The following TENM3 variants were observed in gnomAD, a reference collection of about 807,000 sequenced individuals.
TENM3 encodes teneurin-3.
Under a neutral mutation model 255.1 loss-of-function variants are expected in TENM3, and 63 were observed. That is an observed-to-expected ratio of 0.25 (90% CI 0.20 to 0.30). The LOEUF (loss-of-function observed/expected upper bound fraction) is 0.30, where lower values mean the gene tolerates loss of function less well. TENM3 is among the 10% of genes least tolerant of loss of function. The pLI, the probability that TENM3 is intolerant of heterozygous loss-of-function variation, is 1.00. For synonymous variants in TENM3, 1,306 were observed against 1,322.3 expected (o/e 0.99, Z 0.27); for missense variants, 2,929 against 3,461.1 (o/e 0.85, Z 3.86).
At chr4:182,307,567 T>C (rs981324386) in intron 1 of TENM3, among the ~76,000 whole-genome samples, 5 of 152,178 alleles carry the variant, frequency 3.3e-5, no homozygotes, top group Admixed American at 1.3e-4. Flanking sequence ...CCTCCTGACA[T>C]AGGGATTATA....
chr4:181,641,603 GTGTA>G, the TENM3 span, among the ~76,000 whole-genome samples: 1 of 69,016 alleles, frequency 1.4e-5, no homozygotes, highest in South Asian at 4.3e-4. Flanking sequence ...TGGTGTGTGT[GTGTA>G]TATATATATA....
chr4:181,630,942 G>A, the TENM3 span, among the ~76,000 whole-genome samples: 2 of 152,088 alleles, frequency 1.3e-5, no homozygotes, highest in Admixed American at 6.6e-5. Flanking sequence ...ATAACAGCTC[G>A]AAACATACCC....
chr4:182,162,092 C>G (rs1751390358), intron 1 of TENM3, among the ~76,000 whole-genome samples: 1 of 150,954 alleles, frequency 6.6e-6, no homozygotes, highest in Non-Finnish European at 1.5e-5. Context: ...CTATGTTGTG[C>G]AGGCTGTCCT....
At chr4:181,523,450 A>C in the TENM3 span, among the ~76,000 whole-genome samples, 4,441 of 152,060 alleles carry the variant, frequency 0.029, 114 homozygotes, top group East Asian at 0.073. Flanking sequence ...CAGGGGTAAG[A>C]TGAAGACCAA....
At chr4:182,326,161 GTGTGA>G (rs1291855428) in intron 2 of TENM3, among the ~76,000 whole-genome samples, 72 of 152,354 alleles carry the variant, frequency 4.7e-4, no homozygotes, top group African/African-American at 1.7e-3. Context: ...CTCGCGCAGT[GTGTGA>G]TGGTGCCGCA....
chr4:182,187,640 CT>C (rs750649104), intron 1 of TENM3, among the ~76,000 whole-genome samples: 5 of 151,674 alleles, frequency 3.3e-5, no homozygotes, highest in Non-Finnish European at 7.4e-5. Flanking sequence ...GGAAAGAATT[CT>C]TTGGTTGAAC....
chr4:181,584,162 A>G, the TENM3 span, among the ~76,000 whole-genome samples: 1 of 152,238 alleles, frequency 6.6e-6, no homozygotes, highest in East Asian at 1.9e-4. Flanking sequence ...CTTGCCTGAA[A>G]GCCAGAAGAG....
At chr4:182,519,390 C>T (rs968979441) in intron 3 of TENM3, among the ~76,000 whole-genome samples, 2 of 152,150 alleles carry the variant, frequency 1.3e-5, no homozygotes, top group Non-Finnish European at 2.9e-5. Context: ...GAAAATGAAA[C>T]TCACATCCCA....
chr4:181,459,300 C>T, the TENM3 span, among the ~76,000 whole-genome samples: 30 of 151,808 alleles, frequency 2.0e-4, no homozygotes, highest in Non-Finnish European at 3.5e-4. Flanking sequence ...TTTCCCAGAG[C>T]ATGACTTGCC....
At chr4:181,518,734 G>C in the TENM3 span, among the ~76,000 whole-genome samples, 1 of 152,072 alleles carries the variant, frequency 6.6e-6, no homozygotes, top group Non-Finnish European at 1.5e-5. Flanking sequence ...GCCAGGGCTT[G>C]GTTTTTATAA....
At chr4:181,959,183 A>G in the TENM3 span, among the ~76,000 whole-genome samples, 2 of 152,176 alleles carry the variant, frequency 1.3e-5, no homozygotes, top group Non-Finnish European at 2.9e-5. Context: ...CATTTCCTCT[A>G]GGAAGCCTTT....
chr4:181,548,105 C>T, the TENM3 span, among the ~76,000 whole-genome samples: 3 of 152,012 alleles, frequency 2.0e-5, no homozygotes, highest in African/African-American at 7.3e-5. Context: ...TGATAGTTTC[C>T]AGCTTCATCC....
At chr4:181,728,901 T>A in the TENM3 span, among the ~76,000 whole-genome samples, 9 of 152,168 alleles carry the variant, frequency 5.9e-5, no homozygotes, top group African/African-American at 9.7e-5. Context: ...ATTTTTTTTT[T>A]ACATTTAAGA....
At chr4:182,465,704 T>C (rs1436889501) in intron 3 of TENM3, among the ~76,000 whole-genome samples, 1 of 152,220 alleles carries the variant, frequency 6.6e-6, no homozygotes, top group East Asian at 1.9e-4. Flanking sequence ...GTACCTACTA[T>C]GTTTCTGACA....
chr4:182,755,848 A>G (rs1579361123), intron 22 of TENM3, among the ~76,000 whole-genome samples: 1 of 152,198 alleles, frequency 6.6e-6, no homozygotes, highest in Admixed American at 6.5e-5. Flanking sequence ...CCTCAAAAAA[A>G]AAAAGATACC....
chr4:182,597,068 T>G (rs1450032966), intron 3 of TENM3, among the ~76,000 whole-genome samples: 6 of 152,140 alleles, frequency 3.9e-5, no homozygotes. Flanking sequence ...TGAACCTTGG[T>G]CACAAAGATT....
Position 182,793,035 on chromosome 4 carries a change from C to G in TENM3, c.6363C>G (p.Pro2121=). The G allele has an allele frequency of 6.2e-7, 1 of 1,613,918 alleles. No individual in the cohort carries two copies. Among genetic ancestry groups the G allele is most frequent in the South Asian group, 1.1e-5 (1 of 91,084 alleles). Residue 2121 remains proline, a synonymous_variant, in exon 26 of 28, where the codon CCC becomes CCG. Transcript: ENST00000511685. The surrounding 1 kb of genome is among the most constrained non-coding windows in gnomAD (Gnocchi z 5.7). ...CCAAGAGAGAGATTAAAATAGGGCC[C>G]TTTGCCAACACCACCAAATATGCTT... is the stretch of plus-strand genomic sequence containing the variant. ...RVTKREIKIG[P]FANTTKYAYE...
the TENM3 span, among the ~76,000 whole-genome samples, chr4:181,971,514 C>T: frequency 2.3e-4 from 35 of 152,178 alleles, no homozygotes; most frequent in Admixed American, 3.9e-4. Flanking sequence ...CCCTCTTATT[C>T]GTCATAAAAC....
intron 3 of TENM3, among the ~76,000 whole-genome samples, chr4:182,490,238 G>A (rs1431949201): frequency 6.6e-6 from 1 of 152,116 alleles, no homozygotes; most frequent in Non-Finnish European, 1.5e-5. Flanking sequence ...AATAACCATA[G>A]GTATTCAAAT....
Sources: gnomAD v4.1 joint callset for allele counts (sites outside exome capture counted in the v4.1 genomes callset) on GRCh38, gnomAD v4.1.1 for gene constraint, Gnocchi (gnomAD v3.1) non-coding constraint, MANE v1.5 for transcripts, NCBI Gene and HGNC (gene_info 2026-07-23, HGNC 2026-07-21) for gene names.